Variants in PIGL observed in about 807,000 individuals in gnomAD.
PIGL encodes phosphatidylinositol glycan anchor biosynthesis class L, also known as N-acetylglucosaminyl-phosphatidylinositol de-N-acetylase.
A neutral mutation model predicts 31.1 loss-of-function variants in PIGL; 22 were observed. The ratio of observed to expected loss-of-function variants is 0.71; its 90% confidence interval spans 0.51 to 1.01. The LOEUF (loss-of-function observed/expected upper bound fraction) is 1.01. Ranked by LOEUF, PIGL falls within the 50% of genes least tolerant of loss-of-function variation. PIGL has a pLI of 0.00. For missense variants in PIGL, 302 were observed against 315.9 expected (o/e 0.96, Z 0.33); for synonymous variants, 131 against 117.4 (o/e 1.12, Z -0.75).
chr17:16,278,494 G>A (rs2142786564), intron 2 of PIGL, among the ~76,000 whole-genome samples: 1 of 152,256 alleles, frequency 6.6e-6, no homozygotes, highest in Admixed American at 6.5e-5. Flanking sequence ...TACAATTTTT[G>A]TTAAAGAGCA....
chr17:16,246,771 T>C (rs974309282), intron 2 of PIGL, among the ~76,000 whole-genome samples: 1 of 142,618 alleles, frequency 7.0e-6, no homozygotes, highest in Non-Finnish European at 1.5e-5. Flanking sequence ...CTGCAAGCTC[T>C]GCTTCCCGGG....
intron 2 of PIGL, among the ~76,000 whole-genome samples, chr17:16,262,574 C>T (rs1193609245): frequency 2.0e-5 from 3 of 152,050 alleles, no homozygotes; most frequent in South Asian, 2.1e-4. Flanking sequence ...ACCCCAGCTA[C>T]TTGGGAGACT....
chr17:16,253,344 G>T lies in PIGL; in HGVS notation c.335+19274G>T, dbSNP rs536236618. On this transcript the variant is annotated intron_variant, in intron 2 of 6. Transcript: ENST00000225609. The stretch of plus-strand genomic sequence containing the variant: ...CCCATGCCTATTAAAGTGCATGGGG[G>T]CCCAATGACCTACTGTTTGGCAAAA... 9.9e-5 allele frequency among the ~76,000 whole-genome samples: 15 copies of T among 152,188 alleles called. No homozygotes were observed. The East Asian group carries it at 2.5e-3, about 26-fold the overall frequency.
At chr17:16,226,514 G>A (rs990033921) in intron 1 of PIGL, among the ~76,000 whole-genome samples, 2 of 152,162 alleles carry the variant, frequency 1.3e-5, no homozygotes, top group Non-Finnish European at 2.9e-5. Flanking sequence ...CAGGTTTAAG[G>A]AGAGAATTAG....
chr17:16,246,563 G>C (rs1264685630), intron 2 of PIGL, among the ~76,000 whole-genome samples: 2 of 151,442 alleles, frequency 1.3e-5, no homozygotes, highest in Non-Finnish European at 2.9e-5. Context: ...CAAGAAAAAT[G>C]CATCTTAGTC....
intron 2 of PIGL, among the ~76,000 whole-genome samples, chr17:16,262,492 C>T (rs1038456026): frequency 5.3e-5 from 8 of 152,182 alleles, no homozygotes; most frequent in African/African-American, 1.9e-4. Context: ...GATGCAGCCA[C>T]CACAGAAAAC....
At chr17:16,219,156 T>G (rs2092614202) in intron 1 of PIGL, among the ~76,000 whole-genome samples, 1 of 150,694 alleles carries the variant, frequency 6.6e-6, no homozygotes, top group African/African-American at 2.4e-5. Context: ...AAGTTCTGCC[T>G]CCTGGGTTCA....
At chr17:16,222,267 T>C (rs533354194) in intron 1 of PIGL, among the ~76,000 whole-genome samples, 2 of 152,054 alleles carry the variant, frequency 1.3e-5, no homozygotes, top group Admixed American at 1.3e-4. Flanking sequence ...AATCTCCAAA[T>C]TGGTTTTCTT....
chr17:16,231,067 CTTTTTTTTTTTTTT>C (rs59390439), intron 1 of PIGL, among the ~76,000 whole-genome samples: 1 of 96,576 alleles, frequency 1.0e-5, no homozygotes, highest in Non-Finnish European at 2.0e-5. Context: ...TTTGGTTTTT[CTTTTTTTTTTTTTT>C]TTTTTTTTGG....
intron 3 of PIGL, among the ~76,000 whole-genome samples, chr17:16,311,142 G>A (rs2093047631): frequency 6.6e-6 from 1 of 152,106 alleles, no homozygotes; most frequent in Admixed American, 6.5e-5. Context: ...CATCCATGCA[G>A]GATGGTCACC....
rs2093126656 is a variant in PIGL, at chr17:16,326,229, A to G, written c.*331A>G. On this transcript the variant is annotated 3_prime_UTR_variant, in exon 7 of 7. Transcript: ENST00000225609. ...CCTGGGCAGGTCCCTATTATCATAA[A>G]TGAACATAAAAGTGCTCTAAAAACA... 1 of 258,522 alleles carries G rather than the reference A, an allele frequency of 3.9e-6. No individual in the cohort carries two copies. 16.0% of individuals were successfully genotyped at this position (258,522 alleles called of 1,614,324 possible). A position where few individuals can be genotyped will look rare whatever the true frequency, so the allele number is the denominator to read the frequency against.
intron 2 of PIGL, among the ~76,000 whole-genome samples, chr17:16,273,214 G>T (rs933530456): frequency 6.6e-6 from 1 of 152,204 alleles, no homozygotes. Flanking sequence ...GGACTCAGAT[G>T]CAGGAGCCAG....
chr17:16,219,580 C>CTTTTTTTTTTTTTTTTTTTTTTTTTTTTT (rs1373854424), intron 1 of PIGL, among the ~76,000 whole-genome samples: 1 of 150,800 alleles, frequency 6.6e-6, no homozygotes. Flanking sequence ...GTTTAGTTTT[C>CTTTTTTTTTTTTTTTTTTTTTTTTTTTTT]TTTTTGAGAT....
intron 2 of PIGL, among the ~76,000 whole-genome samples, chr17:16,241,976 C>G (rs2092725032): frequency 6.6e-6 from 1 of 152,032 alleles, no homozygotes; most frequent in Admixed American, 6.6e-5. Context: ...TAGCAAATCT[C>G]TTTGAAGTTC....
intron 2 of PIGL, among the ~76,000 whole-genome samples, chr17:16,290,655 A>G (rs1202257032): frequency 6.6e-6 from 1 of 152,086 alleles, no homozygotes; most frequent in Non-Finnish European, 1.5e-5. Flanking sequence ...AAGTCCTAGG[A>G]TTACAGGCAT....
At chr17:16,226,147 C>T (rs1265252528) in intron 1 of PIGL, among the ~76,000 whole-genome samples, 2 of 152,054 alleles carry the variant, frequency 1.3e-5, no homozygotes, top group Non-Finnish European at 2.9e-5. Flanking sequence ...AGACTAAGCC[C>T]ATGTCTCAAA....
chr17:16,222,322 C>G (rs1270594582), intron 1 of PIGL, among the ~76,000 whole-genome samples: 2 of 151,578 alleles, frequency 1.3e-5, no homozygotes, highest in Non-Finnish European at 2.9e-5. Context: ...ATATAGGAAG[C>G]AAGCAGTAGT....
chr17:16,304,532 AG>A (rs1421649479), intron 3 of PIGL, among the ~76,000 whole-genome samples: 1 of 152,152 alleles, frequency 6.6e-6, no homozygotes, highest in Non-Finnish European at 1.5e-5. Flanking sequence ...CTGAGGTGGG[AG>A]GATCACTTGA....
At chr17:16,263,010 C>A (rs1204331658) in intron 2 of PIGL, among the ~76,000 whole-genome samples, 2 of 146,652 alleles carry the variant, frequency 1.4e-5, no homozygotes, top group African/African-American at 5.1e-5. Flanking sequence ...CCAGAAGAAG[C>A]AAATCCATAG....
Sources: allele counts gnomAD v4.1 joint callset (sites outside exome capture counted in the v4.1 genomes callset), GRCh38; gene constraint gnomAD v4.1.1; transcripts MANE v1.5; gene names NCBI Gene and HGNC (gene_info 2026-07-23, HGNC 2026-07-21).